TRPS1: variants seen among roughly 807,000 people sequenced by gnomAD.
TRPS1 encodes transcriptional repressor GATA binding 1, also known as zinc finger transcription factor Trps1.
In TRPS1, 6 loss-of-function variants were observed where a neutral mutation model predicts 101.2. That is an observed-to-expected ratio of 0.06 (90% CI 0.03 to 0.12). The LOEUF (loss-of-function observed/expected upper bound fraction) is 0.12. TRPS1 is among the 10% of genes least tolerant of loss of function. TRPS1 has a pLI of 1.00. For missense variants in TRPS1, 1,363 were observed against 1,567.0 expected, an observed-to-expected ratio of 0.87 and a Z score of 2.20; for synonymous variants, 578 against 589.8, an observed-to-expected ratio of 0.98 and a Z score of 0.29.
intron 5 of TRPS1, among the ~76,000 whole-genome samples, chr8:115,533,510 C>G (rs1037724629): frequency 7.9e-6 from 1 of 127,326 alleles, no homozygotes; most frequent in Non-Finnish European, 1.6e-5. Context: ...AACATGCAAA[C>G]TCTCAAGAGG....
intron 5 of TRPS1, among the ~76,000 whole-genome samples, chr8:115,451,191 G>A (rs773220871): frequency 6.6e-6 from 1 of 152,080 alleles, no homozygotes; most frequent in East Asian, 1.9e-4. Flanking sequence ...AAAGAATGGC[G>A]CCCTATAGCT....
intron 4 of TRPS1, among the ~76,000 whole-genome samples, chr8:115,591,394 T>C (rs936611902): frequency 9.2e-5 from 14 of 152,194 alleles, no homozygotes; most frequent in Admixed American, 7.2e-4. Flanking sequence ...CAGTAGATAT[T>C]GAAGTTACAT....
intron 5 of TRPS1, among the ~76,000 whole-genome samples, chr8:115,498,286 G>C (rs1209311764): frequency 1.3e-5 from 2 of 151,424 alleles, no homozygotes; most frequent in African/African-American, 2.4e-5. Flanking sequence ...GCTGAGGTGG[G>C]AGCATCGCCT....
At chr8:115,498,423 A>C (rs4027187) in intron 5 of TRPS1, among the ~76,000 whole-genome samples, 8,265 of 60,982 alleles carry the variant, frequency 0.14, 304 homozygotes, top group Non-Finnish European at 0.15. Context: ...CTCTATATAT[A>C]TATATATATA....
intron 5 of TRPS1, among the ~76,000 whole-genome samples, chr8:115,563,273 T>C (rs1329505425): frequency 6.6e-6 from 1 of 152,010 alleles, no homozygotes; most frequent in Non-Finnish European, 1.5e-5. Context: ...TTTTCTGTTG[T>C]CTGCATTTTC....
intron 5 of TRPS1, among the ~76,000 whole-genome samples, chr8:115,528,389 C>A (rs1179334178): frequency 6.6e-6 from 1 of 152,032 alleles, no homozygotes; most frequent in Non-Finnish European, 1.5e-5. Context: ...ATCCTCACAG[C>A]AGCACTCTGA....
chr8:115,485,022 G>C (rs1244127210), intron 5 of TRPS1, among the ~76,000 whole-genome samples: 3 of 152,160 alleles, frequency 2.0e-5, no homozygotes, highest in Non-Finnish European at 2.9e-5. Flanking sequence ...CACTGATCTA[G>C]GACCTGTTCT....
intron 5 of TRPS1, among the ~76,000 whole-genome samples, chr8:115,503,984 G>T (rs1365078725): frequency 6.6e-6 from 1 of 152,164 alleles, no homozygotes; most frequent in Non-Finnish European, 1.5e-5. Context: ...ATCCCCAAAT[G>T]TGTGTTTCAT....
At chr8:115,648,380 G>C (rs1409174567) in intron 1 of TRPS1, among the ~76,000 whole-genome samples, 3 of 152,208 alleles carry the variant, frequency 2.0e-5, no homozygotes, top group Non-Finnish European at 4.4e-5. Context: ...GCTTCCGCAG[G>C]ACTTCCTGCG....
chr8:115,601,477 G>A lies in TRPS1; in HGVS notation c.2096+2396C>T, dbSNP rs556304744. Among the ~76,000 whole-genome samples, 18 of 152,166 alleles carry A rather than the reference G, an allele frequency of 1.2e-4. No individual in the cohort carries two copies. In the South Asian group the frequency reaches 1.5e-3, roughly 12 times the overall value. The stretch of plus-strand genomic sequence containing the variant: ...TCTTTTCTACTAAGCTGTGACTTCT[G>A]AAATTGTAAGGCTCCAAATTTCAAA... On this transcript the variant is annotated intron_variant, in intron 4 of 6. Coordinates refer to ENST00000395715, the MANE Select transcript of TRPS1 (RefSeq NM_014112.5).
intron 5 of TRPS1, among the ~76,000 whole-genome samples, chr8:115,489,945 G>T (rs1814979198): frequency 6.6e-6 from 1 of 151,946 alleles, no homozygotes; most frequent in Non-Finnish European, 1.5e-5. Flanking sequence ...GTATTGTGTT[G>T]TTTGTTTCCA....
At chr8:115,668,035 G>C in intron 1 of TRPS1, 2 of 841,746 alleles carry the variant, frequency 2.4e-6, no homozygotes, top group African/African-American at 1.7e-5. Context: ...GACAGCGAGG[G>C]GGAGTGGGGC....
At chr8:115,542,371 T>C (rs1269907781) in intron 5 of TRPS1, among the ~76,000 whole-genome samples, 2 of 152,170 alleles carry the variant, frequency 1.3e-5, no homozygotes, top group African/African-American at 2.4e-5. Context: ...ACCTAATTCA[T>C]TTCCTGACTT....
Position 115,410,995 on chromosome 8 carries a change from TC to T in TRPS1, c.*3027del, listed in dbSNP as rs1812776061. ...TTAAAAAAATAAATTTTATAATATA[TC>T]TTGAGAGATGGAATAAAGGCTTTAA... On this transcript the variant is annotated 3_prime_UTR_variant, in exon 7 of 7. Transcript: ENST00000395715. 1 of 151,662 alleles carries T rather than the reference TC, an allele frequency of 6.6e-6. No individual in the cohort carries two copies. Among genetic ancestry groups the T allele is most frequent in the Non-Finnish European group, 1.5e-5 (1 of 67,894 alleles). 9.4% of individuals were successfully genotyped at this position (151,662 alleles called of 1,614,324 possible).
At chr8:115,515,437 A>G (rs2130200376) in intron 5 of TRPS1, among the ~76,000 whole-genome samples, 2 of 151,678 alleles carry the variant, frequency 1.3e-5, no homozygotes, top group South Asian at 4.1e-4. Context: ...ATGATTTTAA[A>G]TGTCATTAGT....
intron 5 of TRPS1, among the ~76,000 whole-genome samples, chr8:115,545,531 A>G (rs943483085): frequency 6.6e-6 from 1 of 152,226 alleles, no homozygotes; most frequent in African/African-American, 2.4e-5. Context: ...AGTCATTAAA[A>G]TAGCACAAGG....
In TRPS1 at chr8:115,418,644, TG is replaced by T. The variant is rs1433475328; in HGVS notation, c.2701-193del. ...TTCATTATAATTAACCCTACAGTGA[TG>T]GATGAGGTGTGTGGAACACCAAAGG... On this transcript the variant is annotated intron_variant, in intron 5 of 6. Coordinates refer to ENST00000395715, the MANE Select transcript of TRPS1 (RefSeq NM_014112.5). The surrounding 1 kb of genome is among the most constrained non-coding windows in gnomAD (Gnocchi z 4.3). 6.6e-6 allele frequency among the ~76,000 whole-genome samples: 1 copy of T among 152,176 alleles called. No homozygotes were observed. The highest frequency in any genetic ancestry group is 2.4e-5 in the African/African-American group (1 of 41,448).
intron 5 of TRPS1, among the ~76,000 whole-genome samples, chr8:115,441,335 C>T (rs774892021): frequency 2.6e-5 from 4 of 152,110 alleles, no homozygotes; most frequent in South Asian, 4.1e-4. Context: ...AAACTTACGG[C>T]GCTCTTAACA....
At chr8:115,571,452 T>G (rs1817201809) in intron 5 of TRPS1, among the ~76,000 whole-genome samples, 2 of 152,186 alleles carry the variant, frequency 1.3e-5, no homozygotes, top group Non-Finnish European at 2.9e-5. Context: ...CCAAATTGTT[T>G]ACAAGAACTG....
Sources: gnomAD v4.1 joint callset for allele counts (sites outside exome capture counted in the v4.1 genomes callset) on GRCh38, gnomAD v4.1.1 for gene constraint, Gnocchi (gnomAD v3.1) non-coding constraint, MANE v1.5 for transcripts, NCBI Gene and HGNC (gene_info 2026-07-23, HGNC 2026-07-21) for gene names.